Variants in RPS6KC1 observed in about 807,000 individuals in gnomAD.
RPS6KC1 encodes the protein inactive ribosomal protein S6 kinase delta-1.
A neutral mutation model predicts 103.8 loss-of-function variants in RPS6KC1; 54 were observed. The ratio of observed to expected loss-of-function variants is 0.52; its 90% CI spans 0.42 to 0.65. The LOEUF (loss-of-function observed/expected upper bound fraction) is 0.65, where lower values mean the gene tolerates loss of function less well. RPS6KC1 is among the 30% of genes least tolerant of loss of function. The probability of loss-of-function intolerance (pLI) is 0.00; values close to 1 mark genes in which losing one functional copy is unlikely to be tolerated. For synonymous variants in RPS6KC1, 439 were observed against 438.7 expected, an observed-to-expected ratio of 1.00 and a Z score of -0.01; for missense variants, 1,151 against 1,253.8, an observed-to-expected ratio of 0.92 and a Z score of 1.24.
At chr1:213,749,931 CTGTT>C in the RPS6KC1 span, among the ~76,000 whole-genome samples, 5 of 152,218 alleles carry the variant, frequency 3.3e-5, no homozygotes, top group Admixed American at 6.5e-5. Context: ...CCCACGGTCA[CTGTT>C]TGTTTGTTTA....
the RPS6KC1 span, among the ~76,000 whole-genome samples, chr1:213,687,423 A>G: frequency 1.4e-5 from 2 of 138,538 alleles, no homozygotes; most frequent in South Asian, 4.3e-4. Flanking sequence ...TTGAGATTCC[A>G]TGATGTCCAC....
intron 4 of RPS6KC1, among the ~76,000 whole-genome samples, chr1:213,112,731 C>T (rs1410056384): frequency 1.3e-5 from 2 of 151,112 alleles, no homozygotes; most frequent in Admixed American, 6.6e-5. Context: ...CACCCCACAA[C>T]AGTCCCCAGA....
At chr1:213,223,459 T>C (rs1029748583) in intron 8 of RPS6KC1, among the ~76,000 whole-genome samples, 32 of 152,316 alleles carry the variant, frequency 2.1e-4, no homozygotes, top group Non-Finnish European at 3.1e-4. Context: ...ACACATGATA[T>C]TTGGTTTTCC....
the RPS6KC1 span, among the ~76,000 whole-genome samples, chr1:213,766,680 A>G: frequency 1.3e-5 from 2 of 152,036 alleles, no homozygotes; most frequent in South Asian, 4.2e-4. Flanking sequence ...CTTCAGAAGG[A>G]TTTTTATTGA....
At chr1:213,059,679 A>AT (rs1328915654) in intron 1 of RPS6KC1, among the ~76,000 whole-genome samples, 86 of 146,608 alleles carry the variant, frequency 5.9e-4, no homozygotes, top group South Asian at 6.5e-4. Context: ...ACACCGGCTA[A>AT]TTTTTTTTTT....
chr1:213,337,420 A>G, the RPS6KC1 span, among the ~76,000 whole-genome samples: 1 of 152,210 alleles, frequency 6.6e-6, no homozygotes, highest in African/African-American at 2.4e-5. Flanking sequence ...ACCACTGTGT[A>G]TGGTTATCGT....
chr1:213,354,830 G>C, the RPS6KC1 span, among the ~76,000 whole-genome samples: 1 of 152,102 alleles, frequency 6.6e-6, no homozygotes, highest in Non-Finnish European at 1.5e-5. Flanking sequence ...CCTCTTAAAG[G>C]CTCCACTTCT....
intron 3 of RPS6KC1, among the ~76,000 whole-genome samples, chr1:213,084,938 T>A (rs148202785): frequency 6.6e-6 from 1 of 152,224 alleles, no homozygotes; most frequent in Non-Finnish European, 1.5e-5. Context: ...ATTAGTGATA[T>A]GAATTTGTGT....
rs2094698724 is a variant in RPS6KC1, at chr1:213,258,235, T to C, written c.2912-3323T>C. 3.9e-5 allele frequency among the ~76,000 whole-genome samples: 6 copies of C among 152,182 alleles called. No homozygotes were observed. The South Asian group carries it at 1.0e-3, about 26-fold the overall frequency. On this transcript the variant is annotated intron_variant, in intron 12 of 14. Coordinates refer to ENST00000366960, the MANE Select transcript of RPS6KC1 (RefSeq NM_012424.6). Reference sequence around the variant, plus strand: ...TGACCTCATGATCTGGCCTCCCAAGTGCTGGGATTACAGGCATGAGCCACC... The same window carrying C: ...TGACCTCATGATCTGGCCTCCCAAGCGCTGGGATTACAGGCATGAGCCACC...
At chr1:213,361,645 G>A in the RPS6KC1 span, among the ~76,000 whole-genome samples, 1 of 152,214 alleles carries the variant, frequency 6.6e-6, no homozygotes, top group Non-Finnish European at 1.5e-5. Flanking sequence ...CATGCTAGGA[G>A]CTGTAGACTG....
chr1:213,272,514 C>CT lies in RPS6KC1; in HGVS notation c.3091-3dup, dbSNP rs745439727. 376 of 1,608,532 alleles carry CT rather than the reference C, an allele frequency of 2.3e-4. No individual in the cohort carries two copies. Among genetic ancestry groups the CT allele is most frequent in the Admixed American group, 5.5e-4 (33 of 60,000 alleles). Reference sequence around the variant, plus strand: ...GATTCCTGTTACTCACTAAGTCCGTCTTTTTTTAGCTCTTGCAGTTCAATC... The same window carrying CT: ...GATTCCTGTTACTCACTAAGTCCGTCTTTTTTTTAGCTCTTGCAGTTCAATC... On this transcript the variant is annotated splice_polypyrimidine_tract_variant and intron_variant, in intron 14 of 14. Coordinates refer to ENST00000366960, the MANE Select transcript of RPS6KC1 (RefSeq NM_012424.6).
At chr1:213,737,280 A>G in the RPS6KC1 span, among the ~76,000 whole-genome samples, 1 of 152,150 alleles carries the variant, frequency 6.6e-6, no homozygotes, top group Non-Finnish European at 1.5e-5. Context: ...CTTGGTGCTG[A>G]GGCAGTGAAG....
At chr1:213,770,999 C>T in the RPS6KC1 span, among the ~76,000 whole-genome samples, 10 of 152,222 alleles carry the variant, frequency 6.6e-5, no homozygotes, top group East Asian at 1.9e-4. Flanking sequence ...ACTTAACTCC[C>T]GGCCAGGGGC....
At chr1:213,474,172 C>T in the RPS6KC1 span, among the ~76,000 whole-genome samples, 1 of 152,008 alleles carries the variant, frequency 6.6e-6, no homozygotes, top group African/African-American at 2.4e-5. Flanking sequence ...TTCCTGGGTT[C>T]GGGGGTAGAT....
At chr1:213,154,369 A>G (rs189560369) in intron 6 of RPS6KC1, among the ~76,000 whole-genome samples, 76 of 152,350 alleles carry the variant, frequency 5.0e-4, no homozygotes, top group Non-Finnish European at 7.6e-4. Flanking sequence ...CCCTTCGTGG[A>G]TATAGAAGTG....
chr1:213,761,860 A>G, the RPS6KC1 span, among the ~76,000 whole-genome samples: 6 of 152,188 alleles, frequency 3.9e-5, no homozygotes, highest in African/African-American at 1.2e-4. Context: ...TGAGGGTGTT[A>G]TTAGAGGGAT....
At chr1:213,094,084 CT>C (rs1384314098) in intron 3 of RPS6KC1, among the ~76,000 whole-genome samples, 2 of 84,610 alleles carry the variant, frequency 2.4e-5, no homozygotes, top group African/African-American at 4.7e-5. Context: ...CAAATTTATG[CT>C]CCCCCCCCCC....
the RPS6KC1 span, among the ~76,000 whole-genome samples, chr1:213,280,126 G>T: frequency 6.6e-6 from 1 of 152,152 alleles, no homozygotes; most frequent in South Asian, 2.1e-4. Context: ...TTGTGTCGGT[G>T]GGAAAGGGTG....
the RPS6KC1 span, among the ~76,000 whole-genome samples, chr1:213,807,594 C>T: frequency 6.6e-6 from 1 of 152,200 alleles, no homozygotes; most frequent in African/African-American, 2.4e-5. Context: ...CTTCTGCATT[C>T]TTCACGTAGT....
Sources: gnomAD v4.1 joint callset for allele counts (sites outside exome capture counted in the v4.1 genomes callset) on GRCh38, gnomAD v4.1.1 for gene constraint, MANE v1.5 for transcripts, NCBI Gene and HGNC (gene_info 2026-07-23, HGNC 2026-07-21) for gene names.